MAGI2: variants seen among roughly 807,000 people sequenced by gnomAD.
MAGI2 encodes the protein membrane-associated guanylate kinase, WW and PDZ domain-containing protein 2.
A neutral mutation model predicts 133.3 loss-of-function variants in MAGI2; 35 were observed. That is an observed-to-expected ratio of 0.26 (90% CI 0.20 to 0.35). The LOEUF (loss-of-function observed/expected upper bound fraction) is 0.35. Ranked by LOEUF, MAGI2 falls within the 10% of genes least tolerant of loss-of-function variation. The pLI is 1.00. For synonymous variants in MAGI2, 729 were observed against 710.6 expected (o/e 1.03, Z -0.41); for missense variants, 1,636 against 1,863.4 (o/e 0.88, Z 2.25).
intron 1 of MAGI2, among the ~76,000 whole-genome samples, chr7:79,232,708 C>T (rs377420592): frequency 0.011 from 1,398 of 128,640 alleles, 2 homozygotes; most frequent in African/African-American, 0.024. Context: ...GTCTGGCTAG[C>T]GGTCTATCAA....
chr7:78,438,678 A>C (rs934340249), intron 6 of MAGI2, among the ~76,000 whole-genome samples: 11 of 152,166 alleles, frequency 7.2e-5, no homozygotes, highest in African/African-American at 2.4e-4. Flanking sequence ...AACGAACCAC[A>C]GCCAAGGAGC....
chr7:78,070,218 TACAC>T (rs374567182), intron 21 of MAGI2, among the ~76,000 whole-genome samples: 69 of 52,204 alleles, frequency 1.3e-3, no homozygotes, highest in South Asian at 2.6e-3. Flanking sequence ...TATATATATA[TACAC>T]ACACACACAC....
At chr7:78,547,747 C>T (rs1798981618) in intron 3 of MAGI2, among the ~76,000 whole-genome samples, 1 of 152,198 alleles carries the variant, frequency 6.6e-6, no homozygotes, top group African/African-American at 2.4e-5. Flanking sequence ...CTGGAGTATC[C>T]AGAGAAAACC....
rs200472596 is a variant in MAGI2 at position 78,183,340 on chromosome 7, A to G, written c.2311+2289T>C. Among the ~76,000 whole-genome samples the G allele has an allele frequency of 1.5e-3, 223 of 146,614 alleles. 1 individual carries two copies. Among genetic ancestry groups the G allele is most frequent in the African/African-American group, 5.5e-3 (218 of 39,422 alleles). ...GAGTGCAGTGGTGTGATCTTGGCTC[A>G]CTGCAACCTCCACTTCCCAGGTTCA... On this transcript the variant is annotated intron_variant, in intron 13 of 21. Coordinates refer to ENST00000354212, the MANE Select transcript of MAGI2 (RefSeq NM_012301.4).
chr7:78,189,598 C>T (rs34705435), intron 12 of MAGI2, among the ~76,000 whole-genome samples: 42,100 of 151,994 alleles, frequency 0.28, 6,403 homozygotes, highest in South Asian at 0.36. Context: ...CTTATAATAA[C>T]CAAAGTTCAA....
At chr7:78,901,817 T>C (rs954025216) in intron 2 of MAGI2, among the ~76,000 whole-genome samples, 1 of 152,208 alleles carries the variant, frequency 6.6e-6, no homozygotes, top group Admixed American at 6.5e-5. Flanking sequence ...AAACAAGCAA[T>C]TCTTTGACAG....
At chr7:79,295,191 A>C (rs1836837737) in intron 1 of MAGI2, among the ~76,000 whole-genome samples, 1 of 152,218 alleles carries the variant, frequency 6.6e-6, no homozygotes, top group Non-Finnish European at 1.5e-5. Flanking sequence ...TAAAACAAAA[A>C]AAAGGTAAAT....
At chr7:79,095,626 G>A (rs564495404) in intron 1 of MAGI2, among the ~76,000 whole-genome samples, 1 of 152,230 alleles carries the variant, frequency 6.6e-6, no homozygotes, top group Non-Finnish European at 1.5e-5. Flanking sequence ...ACAAGAGTGA[G>A]ATAAAGATGG....
intron 1 of MAGI2, among the ~76,000 whole-genome samples, chr7:79,307,143 A>G (rs774385210): frequency 6.6e-6 from 1 of 152,172 alleles, no homozygotes; most frequent in Non-Finnish European, 1.5e-5. Flanking sequence ...TCTGCCTTAG[A>G]ACAAAATGGA....
Position 78,811,804 on chromosome 7 carries a change from C to G in MAGI2, c.419-184565G>C, listed in dbSNP as rs143698798. Among the ~76,000 whole-genome samples the G allele has an allele frequency of 3.0e-3, 456 of 152,256 alleles. 2 individuals carry two copies. The highest frequency in any genetic ancestry group is 0.01 in the African/African-American group (432 of 41,552). Reference sequence around the variant, plus strand: ...GGTAGGCTGAATAATGTCCCCTCCTCAAAGATATCCATGTCCTAAACCTCA... The same window carrying G: ...GGTAGGCTGAATAATGTCCCCTCCTGAAAGATATCCATGTCCTAAACCTCA... On this transcript the variant is annotated intron_variant, in intron 2 of 21. Transcript: ENST00000354212.
intron 1 of MAGI2, among the ~76,000 whole-genome samples, chr7:79,345,571 C>T (rs1459726179): frequency 6.6e-6 from 1 of 151,934 alleles, no homozygotes; most frequent in Non-Finnish European, 1.5e-5. Flanking sequence ...TTGATGTTCT[C>T]TTGAGTGCAA....
At chr7:78,305,136 A>G (rs964837544) in intron 9 of MAGI2, among the ~76,000 whole-genome samples, 3 of 152,184 alleles carry the variant, frequency 2.0e-5, no homozygotes, top group Non-Finnish European at 4.4e-5. Flanking sequence ...ATTGTCATGC[A>G]CTATAGACAG....
chr7:78,963,478 A>G (rs776623119), intron 2 of MAGI2, among the ~76,000 whole-genome samples: 4 of 152,016 alleles, frequency 2.6e-5, no homozygotes, highest in Non-Finnish European at 5.9e-5. Flanking sequence ...ACATAGCACC[A>G]TTTCTTTCTT....
chr7:79,066,010 G>T (rs924529972), intron 1 of MAGI2, among the ~76,000 whole-genome samples: 3 of 152,112 alleles, frequency 2.0e-5, no homozygotes, highest in East Asian at 1.9e-4. Context: ...GAACAGTCCC[G>T]CAGTAAACAT....
intron 9 of MAGI2, among the ~76,000 whole-genome samples, chr7:78,337,388 C>A (rs1042327711): frequency 2.0e-5 from 3 of 152,188 alleles, no homozygotes; most frequent in Non-Finnish European, 4.4e-5. Flanking sequence ...GTTCTCCATA[C>A]CTTCCCAGGA....
At chr7:78,577,660 G>C (rs1223600132) in intron 3 of MAGI2, among the ~76,000 whole-genome samples, 1 of 151,302 alleles carries the variant, frequency 6.6e-6, no homozygotes, top group Non-Finnish European at 1.5e-5. Context: ...CTGGCGGGCA[G>C]GAGTCGGGGG....
intron 1 of MAGI2, among the ~76,000 whole-genome samples, chr7:79,059,078 T>C (rs534256286): frequency 6.6e-6 from 1 of 152,184 alleles, no homozygotes; most frequent in East Asian, 1.9e-4. Context: ...GTTGGTGCAT[T>C]ACCTTTAACG....
At chr7:78,109,323 A>G (rs28570393) in intron 20 of MAGI2, among the ~76,000 whole-genome samples, 1 of 138,392 alleles carries the variant, frequency 7.2e-6, no homozygotes, top group Non-Finnish European at 1.6e-5. Flanking sequence ...AAAAAAAAAA[A>G]AAAAAAAAAA....
chr7:78,793,546 C>T (rs1421180860), intron 2 of MAGI2, among the ~76,000 whole-genome samples: 2 of 152,062 alleles, frequency 1.3e-5, no homozygotes, highest in African/African-American at 4.8e-5. Context: ...GATACTCTGA[C>T]TGATAGATGG....
Sources: allele counts gnomAD v4.1 joint callset (sites outside exome capture counted in the v4.1 genomes callset), GRCh38; gene constraint gnomAD v4.1.1; transcripts MANE v1.5; gene names NCBI Gene and HGNC (gene_info 2026-07-23, HGNC 2026-07-21).